The following TMEM131 variants were observed in gnomAD, a reference collection of about 807,000 sequenced individuals.
TMEM131 encodes transmembrane protein 131, also known as 2610524E03Rik.
A neutral mutation model predicts 211.6 loss-of-function variants in TMEM131; 66 were observed. The observed-to-expected ratio is 0.31, with a 90% confidence interval of 0.26 to 0.38. The LOEUF (loss-of-function observed/expected upper bound fraction) is 0.38. Ranked by LOEUF, TMEM131 falls within the 10% of genes least tolerant of loss-of-function variation. TMEM131 has a pLI of 1.00. For synonymous variants in TMEM131, 844 were observed against 841.3 expected (o/e 1.00, Z -0.06); for missense variants, 2,036 against 2,299.3 (o/e 0.89, Z 2.34).
chr2:97,856,736 A>G (rs1673863136), intron 5 of TMEM131, among the ~76,000 whole-genome samples: 1 of 152,168 alleles, frequency 6.6e-6, no homozygotes, highest in Admixed American at 6.6e-5. Context: ...GAGAGGAAAT[A>G]GGTTATTTCT....
chr2:97,808,958 C>T (rs906226864), intron 19 of TMEM131, among the ~76,000 whole-genome samples: 1 of 152,140 alleles, frequency 6.6e-6, no homozygotes, highest in African/African-American at 2.4e-5. Flanking sequence ...TATGAAGGGA[C>T]TTTACTGCCT....
At chr2:97,758,866 G>GC in intron 40 of TMEM131, 27 bp downstream of exon 40, 1 of 1,585,244 alleles carries the variant, frequency 6.3e-7, no homozygotes, top group Non-Finnish European at 8.6e-7. Context: ...CCAGGTCCAG[G>GC]CCCCAGCCCC....
intron 2 of TMEM131, among the ~76,000 whole-genome samples, chr2:97,915,339 T>C (rs1348329418): frequency 2.6e-5 from 4 of 152,176 alleles, no homozygotes; most frequent in East Asian, 1.9e-4. Flanking sequence ...TTTGTTTTTG[T>C]GAGACCAGTC....
rs756456804 is a variant in TMEM131, at chr2:97,762,038, C to T, written c.4886G>A (p.Ser1629Asn). 6.4e-6 allele frequency: 10 copies of T among 1,561,440 alleles called. No individual in the cohort carries two copies. In the Admixed American group the frequency reaches 2.1e-4, roughly 33 times the overall value. Reference sequence around the variant, plus strand: ...GGAAAGGAAGCAGCAGGCCTACCTGCTGGAGCTGCTGTTGACGATGCTGCT... The same window carrying T: ...GGAAAGGAAGCAGCAGGCCTACCTGTTGGAGCTGCTGTTGACGATGCTGCT... ...SYSSIVNSSS[S>N]SDPKIKQPNG... The change falls in exon 36 of 41, where the codon AGC becomes AAC. Residue 1629 changes from serine (S) to asparagine (N), a missense_variant. Ser to Asn is a conservative substitution (Grantham distance 46). Coordinates refer to ENST00000186436, the MANE Select transcript of TMEM131 (RefSeq NM_015348.2).
intron 33 of TMEM131, among the ~76,000 whole-genome samples, chr2:97,767,286 T>TTAAG (rs1679216923): frequency 6.6e-6 from 1 of 152,200 alleles, no homozygotes; most frequent in South Asian, 2.1e-4. Flanking sequence ...TAAATATATC[T>TTAAG]TAAGTTTCCA....
chr2:97,834,504 C>T, intron 10 of TMEM131, 117 bp downstream of exon 10: 1 of 827,570 alleles, frequency 1.2e-6, no homozygotes, highest in Non-Finnish European at 1.8e-6. Context: ...CAAGATCATG[C>T]AACCAACTGA....
intron 4 of TMEM131, among the ~76,000 whole-genome samples, chr2:97,881,715 AAAAAAAAAG>A (rs1674938613): frequency 9.3e-6 from 1 of 107,952 alleles, no homozygotes; most frequent in Non-Finnish European, 1.8e-5. Flanking sequence ...TGCAAAAAAA[AAAAAAAAAG>A]GGGGGGGGGC....
intron 11 of TMEM131, among the ~76,000 whole-genome samples, chr2:97,829,527 C>T (rs112478192): frequency 0.025 from 3,746 of 152,254 alleles, 164 homozygotes; most frequent in African/African-American, 0.086. Flanking sequence ...CCAATCAGCG[C>T]TCTGTAAAAT....
chr2:97,778,093 T>C (rs991068415), intron 31 of TMEM131, among the ~76,000 whole-genome samples: 5 of 152,204 alleles, frequency 3.3e-5, no homozygotes, highest in African/African-American at 1.2e-4. Flanking sequence ...CTTAGGTTCA[T>C]TGGGTGAGGG....
At chr2:97,980,323 A>G (rs1679730584) in intron 1 of TMEM131, among the ~76,000 whole-genome samples, 1 of 152,242 alleles carries the variant, frequency 6.6e-6, no homozygotes, top group Admixed American at 6.5e-5. Context: ...TTCCATTTGT[A>G]AACAGCATAT....
chr2:97,888,746 G>A (rs1207760324), intron 3 of TMEM131, among the ~76,000 whole-genome samples: 1 of 152,132 alleles, frequency 6.6e-6, no homozygotes, highest in Non-Finnish European at 1.5e-5. Flanking sequence ...AGGGCCTAAC[G>A]CTGATATAAA....
At chr2:97,810,943 A>G (rs1322094819) in intron 18 of TMEM131, among the ~76,000 whole-genome samples, 185 bp downstream of exon 18, 1 of 152,214 alleles carries the variant, frequency 6.6e-6, no homozygotes, top group Non-Finnish European at 1.5e-5. Flanking sequence ...GTTGGGTTTT[A>G]TCAAAAAACT....
At chr2:97,852,725 C>T (rs533429029) in intron 5 of TMEM131, among the ~76,000 whole-genome samples, 3 of 152,336 alleles carry the variant, frequency 2.0e-5, no homozygotes, top group South Asian at 4.1e-4. Context: ...AACAAATTTT[C>T]CATGTAGATC....
intron 11 of TMEM131, among the ~76,000 whole-genome samples, chr2:97,830,786 G>C (rs986064090): frequency 6.6e-6 from 1 of 152,168 alleles, no homozygotes; most frequent in Non-Finnish European, 1.5e-5. Context: ...TGCGCATCCT[G>C]TCTGTTAGCA....
At chr2:97,760,337 G>A (rs1392417492) in intron 38 of TMEM131, 3 of 530,342 alleles carry the variant, frequency 5.7e-6, no homozygotes, top group African/African-American at 1.9e-5. Context: ...GAGAACAGGT[G>A]TAACGTGTGT....
rs563431197 is a variant in TMEM131, at chr2:97,886,926, A to T, written c.359+1126T>A. Among the ~76,000 whole-genome samples, 4 of 152,364 alleles carry T rather than the reference A, an allele frequency of 2.6e-5. No individual in the cohort carries two copies. The South Asian group carries it at 8.3e-4, about 32-fold the overall frequency. On this transcript the variant is annotated intron_variant, in intron 4 of 40. Transcript: ENST00000186436. ...CTTTTTGGAGAATCTGAGAAGGGACATATAGGAGCCCGCTGAGGCTGCTCA... is the reference window on the plus strand; with the variant it reads ...CTTTTTGGAGAATCTGAGAAGGGACTTATAGGAGCCCGCTGAGGCTGCTCA...
intron 3 of TMEM131, among the ~76,000 whole-genome samples, chr2:97,908,356 T>G (rs764523612): frequency 6.6e-6 from 1 of 152,052 alleles, no homozygotes; most frequent in Non-Finnish European, 1.5e-5. Flanking sequence ...AAAGCAGGGA[T>G]AGCCACAAGA....
intron 31 of TMEM131, among the ~76,000 whole-genome samples, chr2:97,776,320 G>A (rs1403879530): frequency 6.6e-6 from 1 of 152,192 alleles, no homozygotes; most frequent in Non-Finnish European, 1.5e-5. Flanking sequence ...CTCCCAAAGT[G>A]CTGGGATTAC....
Position 97,805,191 on chromosome 2 carries a change from G to T in TMEM131, c.2299C>A (p.Gln767Lys). Residue 767 changes from glutamine to lysine, a missense_variant, in exon 22 of 41, where the codon CAG (glutamine) becomes AAG (lysine). Physicochemically the swap from Gln to Lys is moderately conservative, Grantham distance 53. This residue lies in a region of TMEM131 where 1,623 missense variants were observed against 1,805.9 expected (regional missense o/e 0.90). Transcript: ENST00000186436. ...PFLSKSEPKV[Q>K]PGVAMQEDMW... ...TCTTCCTGCATGGCTACACCAGGCT[G>T]CACTTTGGGTTCAGCTAAAACAAGG... 1 of 1,612,916 alleles carries T rather than the reference G, an allele frequency of 6.2e-7. No homozygotes were observed.
Sources: allele counts gnomAD v4.1 joint callset (sites outside exome capture counted in the v4.1 genomes callset), GRCh38; gene constraint gnomAD v4.1.1; regional missense constraint gnomAD v4.1.1; transcripts MANE v1.5; gene names NCBI Gene and HGNC (gene_info 2026-07-23, HGNC 2026-07-21).